Variants in FANCM observed in about 807,000 individuals in gnomAD.
FANCM encodes the protein FA complementation group M.
In FANCM, 140 loss-of-function variants were observed where a neutral mutation model predicts 199.5. That is an observed-to-expected ratio of 0.70 (90% CI 0.61 to 0.81). The LOEUF (loss-of-function observed/expected upper bound fraction) is 0.81, where lower values mean the gene tolerates loss of function less well. FANCM is among the 30% of genes least tolerant of loss of function. FANCM has a pLI of 0.00. For missense variants in FANCM, 2,410 were observed against 2,421.4 expected (o/e 1.00, Z 0.10); for synonymous variants, 840 against 836.8 (o/e 1.00, Z -0.07).
chr14:45,160,031 T>TA (rs1887482566), intron 9 of FANCM, among the ~76,000 whole-genome samples: 1 of 149,656 alleles, frequency 6.7e-6, no homozygotes, highest in Non-Finnish European at 1.5e-5. Context: ...GATGGAATCT[T>TA]ACTCTGTTGC....
rs1566782962 is a variant in FANCM, at chr14:45,189,068, TAAAAG to T, written c.5048_5052del (p.Lys1683ArgfsTer3). ...GTGAGGAGGAGAACAATGTAAATGA[TAAAAG>T]AGAATCTAATATTGCGGTTAACCCA... On this transcript the variant is annotated frameshift_variant, in exon 20 of 23. Transcript: ENST00000267430. LOFTEE classifies it high-confidence loss of function. The T allele has an allele frequency of 5.0e-6, 8 of 1,614,104 alleles. No individual in the cohort carries two copies. Among genetic ancestry groups the T allele is most frequent in the Non-Finnish European group, 6.8e-6 (8 of 1,179,970 alleles).
rs1406251066 is a variant in FANCM, at chr14:45,175,100, A to G, written c.2346A>G (p.Glu782=). ...AATGCAGCTATGAATTGGAAGTTGA[A>G]TCTTATTTACAAATGGAAGATGTTA... The part of the protein sequence containing the change: ...EGECSYELEV[E]SYLQMEDVTS... The change falls in exon 14 of 23, where the codon GAA becomes GAG. Residue 782 remains glutamate, a synonymous_variant. Coordinates refer to ENST00000267430, the MANE Select transcript of FANCM (RefSeq NM_020937.4). The G allele has an allele frequency of 1.2e-6, 2 of 1,611,652 alleles. No homozygotes were observed. The highest frequency in any genetic ancestry group is 1.1e-5 in the South Asian group (1 of 90,778).
At chr14:45,147,978 A>G (rs1419087355) in intron 3 of FANCM, among the ~76,000 whole-genome samples, 1 of 151,564 alleles carries the variant, frequency 6.6e-6, no homozygotes, top group Non-Finnish European at 1.5e-5. Flanking sequence ...TGGGCGAATC[A>G]TGAGGTCAGG....
chr14:45,195,855 C>T (rs1890025376), intron 20 of FANCM, among the ~76,000 whole-genome samples: 1 of 152,098 alleles, frequency 6.6e-6, no homozygotes, highest in Non-Finnish European at 1.5e-5. Context: ...ATTTCACCTT[C>T]CATTCGTTTG....
At chr14:45,151,266 G>A (rs1886797290) in intron 4 of FANCM, 131 bp from the exon 5 acceptor site, 2 of 725,612 alleles carry the variant, frequency 2.8e-6, no homozygotes, top group Non-Finnish European at 4.6e-6. Flanking sequence ...TCATTGCTGA[G>A]TTTACTTAAA....
chr14:45,136,193 T>C lies in FANCM; in HGVS notation c.162T>C (p.Asp54=), dbSNP rs143507858. 2.5e-6 allele frequency: 4 copies of C among 1,613,924 alleles called. No individual in the cohort carries two copies. Among genetic ancestry groups the C allele is most frequent in the African/African-American group, 1.3e-5 (1 of 74,886 alleles). Reference sequence around the variant, plus strand: ...CGGAGGCTCAGCTGGAGTCGGACGATGATGTGTTGCTTGTCGCGGCGTACG... The same window carrying C: ...CGGAGGCTCAGCTGGAGTCGGACGACGATGTGTTGCTTGTCGCGGCGTACG... ...AAAEAQLESD[D]DVLLVAAYEA... Residue 54 remains aspartate (D), a synonymous_variant, in exon 1 of 23, where the codon GAT becomes GAC. Coordinates refer to ENST00000267430, the MANE Select transcript of FANCM (RefSeq NM_020937.4).
At chr14:45,145,600 G>T (rs1362963664) in intron 3 of FANCM, among the ~76,000 whole-genome samples, 2 of 152,318 alleles carry the variant, frequency 1.3e-5, no homozygotes, top group Non-Finnish European at 1.5e-5. Context: ...GCCTCTGGGG[G>T]ATGAGGGAGG....
chr14:45,136,387 T>A lies in FANCM; in HGVS notation c.356T>A (p.Phe119Tyr), dbSNP rs1408830690. 2.5e-6 allele frequency: 4 copies of A among 1,614,146 alleles called. No individual in the cohort carries two copies. Among genetic ancestry groups the A allele is most frequent in the Non-Finnish European group, 3.4e-6 (4 of 1,180,020 alleles). Residue 119 changes from phenylalanine to tyrosine, a missense_variant, in exon 1 of 23, where the codon TTT becomes TAT. Transcript: ENST00000267430. Reference protein sequence around the residue: ...VCLPTGLGKTFIAAVVMYNFY... With the variant: ...VCLPTGLGKTYIAAVVMYNFY... ...CTGCCTACCGGACTGGGAAAGACCT[T>A]TATTGCCGCCGTGGTCATGTACAAT...
chr14:45,178,449 C>T (rs941417305), intron 14 of FANCM, among the ~76,000 whole-genome samples: 17 of 152,108 alleles, frequency 1.1e-4, no homozygotes, highest in African/African-American at 2.7e-4. Context: ...ATTACAAACA[C>T]GTATCATGGA....
At chr14:45,168,490 C>T (rs562538718) in intron 11 of FANCM, among the ~76,000 whole-genome samples, 65 of 151,256 alleles carry the variant, frequency 4.3e-4, no homozygotes, top group African/African-American at 1.5e-3. Flanking sequence ...TTACTGAGGT[C>T]GATGGCAAAT....
At chr14:45,156,456 A>G (rs911051580) in intron 8 of FANCM, among the ~76,000 whole-genome samples, 1 of 152,232 alleles carries the variant, frequency 6.6e-6, no homozygotes, top group African/African-American at 2.4e-5. Flanking sequence ...TGGAGCATAG[A>G]CATTGATAAC....
chr14:45,178,980 C>A (rs953147278), intron 14 of FANCM, among the ~76,000 whole-genome samples: 2 of 152,068 alleles, frequency 1.3e-5, no homozygotes, highest in Admixed American at 6.6e-5. Flanking sequence ...GGGTGGATCA[C>A]CTGAGGTCAG....
rs1313731290 is a variant in FANCM at position 45,164,465 on chromosome 14, C to T, written c.1688C>T (p.Ser563Phe). The T allele has an allele frequency of 1.2e-6, 2 of 1,613,450 alleles. No individual in the cohort carries two copies. Among genetic ancestry groups the T allele is most frequent in the Non-Finnish European group, 1.7e-6 (2 of 1,179,786 alleles). The change falls in exon 10 of 23, where the codon TCC becomes TTC. Residue 563 changes from serine (S) to phenylalanine (F), a missense_variant. By Grantham distance (155) the Ser-to-Phe change is radical (BLOSUM62 -2). Transcript: ENST00000267430. ...GEVDLIICFD[S>F]QKSPIRLVQR... ...GTTGATCTTATAATATGTTTTGATTCCCAGAAGAGCCCAATTCGTCTTGTA... is the reference window on the plus strand; with the variant it reads ...GTTGATCTTATAATATGTTTTGATTTCCAGAAGAGCCCAATTCGTCTTGTA...
intron 21 of FANCM, among the ~76,000 whole-genome samples, chr14:45,197,575 C>T (rs1285920581): frequency 6.6e-6 from 1 of 151,650 alleles, no homozygotes; most frequent in Non-Finnish European, 1.5e-5. Context: ...AGCAATTCTC[C>T]TGCCTCAGCT....
chr14:45,188,918 T>C lies in FANCM; in HGVS notation c.4896T>C (p.Asp1632=), dbSNP rs1452387870. Reference sequence around the variant, plus strand: ...GTGTTGATTTTAACTTAATAACTGATGATTGCTTTGCAAATAGTAAAAAGT... The same window carrying C: ...GTGTTGATTTTAACTTAATAACTGACGATTGCTTTGCAAATAGTAAAAAGT... The part of the protein sequence containing the change: ...EVCVDFNLIT[D]DCFANSKKYK... The change falls in exon 20 of 23, where the codon GAT becomes GAC. Residue 1632 remains aspartate (D), a synonymous_variant. Coordinates refer to ENST00000267430, the MANE Select transcript of FANCM (RefSeq NM_020937.4). The C allele has an allele frequency of 3.1e-6, 5 of 1,613,954 alleles. No individual in the cohort carries two copies. In the Admixed American group the frequency reaches 8.3e-5, roughly 27 times the overall value.
rs111894696 is a variant in FANCM at position 45,189,164 on chromosome 14, G to T, written c.5142G>T (p.Ala1714=). The T allele has an allele frequency of 3.1e-6, 5 of 1,613,970 alleles. No homozygotes were observed. The highest frequency in any genetic ancestry group is 1.1e-5 in the South Asian group (1 of 91,078). ...ATTCAGTGCCTTCTGGATCTTCTGC[G>T]CAGTCCAAGGTGCGTTCTACTCCAA... ...CLNSVPSGSS[A]QSKVRSTPRV... is the part of the protein sequence containing the mutation. The change falls in exon 20 of 23, where the codon GCG becomes GCT. Residue 1714 remains alanine, a synonymous_variant. Coordinates refer to ENST00000267430, the MANE Select transcript of FANCM (RefSeq NM_020937.4).
chr14:45,141,438 C>G (rs924116874), intron 3 of FANCM, among the ~76,000 whole-genome samples: 15 of 151,252 alleles, frequency 9.9e-5, no homozygotes, highest in African/African-American at 3.6e-4. Flanking sequence ...TACAACCTGC[C>G]TAGCTTTTTT....
chr14:45,188,893 G>T lies in FANCM; in HGVS notation c.4871G>T (p.Cys1624Phe), dbSNP rs1457271846. Residue 1624 changes from cysteine to phenylalanine, a missense_variant, in exon 20 of 23, where the codon TGT becomes TTT. By Grantham distance (205) the Cys-to-Phe change is radical. Coordinates refer to ENST00000267430, the MANE Select transcript of FANCM (RefSeq NM_020937.4). ...CKGQSSEEEV[C>F]VDFNLITDDC... The stretch of plus-strand genomic sequence containing the variant: ...GGCCAATCAAGTGAAGAAGAAGTTT[G>T]TGTTGATTTTAACTTAATAACTGAT... 3 of 1,613,670 alleles carry T rather than the reference G, an allele frequency of 1.9e-6. No homozygotes were observed. Among genetic ancestry groups the T allele is most frequent in the Non-Finnish European group, 2.5e-6 (3 of 1,179,838 alleles).
At chr14:45,151,634 G>GA in intron 5 of FANCM, 106 bp downstream of exon 5, 1 of 1,048,182 alleles carries the variant, frequency 9.5e-7, no homozygotes, top group Non-Finnish European at 1.5e-6. Context: ...ATCAATAATT[G>GA]AAAAATGAGG....
Sources: gnomAD v4.1 joint callset for allele counts (sites outside exome capture counted in the v4.1 genomes callset) on GRCh38, gnomAD v4.1.1 for gene constraint, MANE v1.5 for transcripts, NCBI Gene and HGNC (gene_info 2026-07-23, HGNC 2026-07-21) for gene names.